The following ZSWIM6 variants were observed in gnomAD, a reference collection of about 807,000 sequenced individuals.
The protein encoded by ZSWIM6 is zinc finger SWIM-type containing 6, also known as zinc finger SWIM domain-containing protein 6.
ZSWIM6 carries 9 observed loss-of-function variants against 113.2 expected under a neutral mutation model. The ratio of observed to expected loss-of-function variants is 0.08; its 90% CI spans 0.05 to 0.14. The LOEUF (loss-of-function observed/expected upper bound fraction) is 0.14. Ranked by LOEUF, ZSWIM6 falls within the 10% of genes least tolerant of loss-of-function variation. The pLI, the probability that ZSWIM6 is intolerant of heterozygous loss-of-function variation, is 1.00. For synonymous variants in ZSWIM6, 611 were observed against 606.5 expected (o/e 1.01, Z -0.11); for missense variants, 1,162 against 1,552.2 (o/e 0.75, Z 4.22).
intron 1 of ZSWIM6, among the ~76,000 whole-genome samples, chr5:61,409,181 T>C (rs186497828): frequency 6.6e-6 from 1 of 151,236 alleles, no homozygotes; most frequent in East Asian, 1.9e-4. Flanking sequence ...TACCAAATTG[T>C]CCAACTTCAA....
At chr5:61,402,980 C>T (rs1309011794) in intron 1 of ZSWIM6, among the ~76,000 whole-genome samples, 1 of 152,168 alleles carries the variant, frequency 6.6e-6, no homozygotes, top group Non-Finnish European at 1.5e-5. Context: ...TTATGTTGTA[C>T]ACTTAGGTAA....
At chr5:61,379,042 G>A (rs1020786611) in intron 1 of ZSWIM6, among the ~76,000 whole-genome samples, 2 of 151,842 alleles carry the variant, frequency 1.3e-5, no homozygotes, top group Non-Finnish European at 2.9e-5. Flanking sequence ...TTAGCTGGGT[G>A]TCGTGGTGCG....
intron 1 of ZSWIM6, among the ~76,000 whole-genome samples, chr5:61,423,842 T>TC (rs1746405302): frequency 2.0e-5 from 3 of 152,102 alleles, no homozygotes; most frequent in East Asian, 1.9e-4. Context: ...AAAATTCACT[T>TC]CCCCCCACTC....
chr5:61,373,248 C>G lies in ZSWIM6; in HGVS notation c.676+40300C>G, dbSNP rs148024381. 3.7e-3 allele frequency among the ~76,000 whole-genome samples: 562 copies of G among 151,860 alleles called. 4 individuals carry two copies. The highest frequency in any genetic ancestry group is 0.013 in the African/African-American group (534 of 41,388). On this transcript the variant is annotated intron_variant, in intron 1 of 13. Coordinates refer to ENST00000252744, the MANE Select transcript of ZSWIM6 (RefSeq NM_020928.2). ...CAGGCATGAGCCACTGCACCTGGCT[C>G]TATTTACATTTAAGTACTGATTTAT...
At chr5:61,411,670 A>G (rs1438081497) in intron 1 of ZSWIM6, among the ~76,000 whole-genome samples, 4 of 152,218 alleles carry the variant, frequency 2.6e-5, no homozygotes, top group Non-Finnish European at 4.4e-5. Flanking sequence ...TCAAGGTGCC[A>G]TCAGATTGGG....
intron 1 of ZSWIM6, chr5:61,390,656 C>T: frequency 1.2e-6 from 1 of 817,154 alleles, no homozygotes; most frequent in South Asian, 1.3e-5. Context: ...GCTGCAAAAA[C>T]TGTTCCTGGC....
chr5:61,527,298 A>G (rs1202054344), intron 7 of ZSWIM6, among the ~76,000 whole-genome samples: 2 of 151,624 alleles, frequency 1.3e-5, no homozygotes, highest in African/African-American at 4.8e-5. Context: ...CTGTGATTTT[A>G]TTTTTCATTA....
At chr5:61,397,040 C>T (rs1475985424) in intron 1 of ZSWIM6, among the ~76,000 whole-genome samples, 1 of 152,124 alleles carries the variant, frequency 6.6e-6, no homozygotes, top group African/African-American at 2.4e-5. Context: ...ATGATTGTCC[C>T]AATATTCAGC....
At chr5:61,455,116 T>C (rs1747176498) in intron 1 of ZSWIM6, among the ~76,000 whole-genome samples, 1 of 152,158 alleles carries the variant, frequency 6.6e-6, no homozygotes, top group African/African-American at 2.4e-5. Flanking sequence ...TAGTTTATCC[T>C]CAAAGTCATT....
At chr5:61,410,295 A>G (rs905179814) in intron 1 of ZSWIM6, among the ~76,000 whole-genome samples, 2 of 151,504 alleles carry the variant, frequency 1.3e-5, no homozygotes, top group African/African-American at 4.9e-5. Context: ...GTATTGTAAT[A>G]ATGGATGTAT....
intron 1 of ZSWIM6, among the ~76,000 whole-genome samples, chr5:61,469,431 A>G (rs866119589): frequency 6.6e-6 from 1 of 152,164 alleles, no homozygotes; most frequent in Non-Finnish European, 1.5e-5. Flanking sequence ...TAAGACATGT[A>G]TATGTTTATT....
In ZSWIM6 at chr5:61,375,199, A is replaced by G. The variant is rs554778326; in HGVS notation, c.676+42251A>G. On this transcript the variant is annotated intron_variant, in intron 1 of 13. Coordinates refer to ENST00000252744, the MANE Select transcript of ZSWIM6 (RefSeq NM_020928.2). ...TCCAATCCAGTCTTCAGGGCCAACAATACAGGATTATCTGAATCGACCAAG... is the reference window on the plus strand; with the variant it reads ...TCCAATCCAGTCTTCAGGGCCAACAGTACAGGATTATCTGAATCGACCAAG... 1.0e-4 allele frequency: 167 copies of G among 1,613,462 alleles called. 3 individuals are homozygous for G. The South Asian group carries it at 1.7e-3, about 17-fold the overall frequency.
At position 61,344,358 on chromosome 5, in the gene ZSWIM6, T is replaced by C. The variant is rs543476312; in HGVS notation, c.676+11410T>C. Among the ~76,000 whole-genome samples, 13 of 152,302 alleles carry C rather than the reference T, an allele frequency of 8.5e-5. No individual in the cohort carries two copies. The South Asian group carries it at 2.7e-3, about 32-fold the overall frequency. The stretch of plus-strand genomic sequence containing the variant: ...TCTAGACAGTGGTGAAGCTGATGAG[T>C]GAAATGACCAATGGCTGCTTTGTGA... On this transcript the variant is annotated intron_variant, in intron 1 of 13. Transcript: ENST00000252744.
At chr5:61,509,291 C>T (rs1748711366) in intron 4 of ZSWIM6, among the ~76,000 whole-genome samples, 1 of 129,244 alleles carries the variant, frequency 7.7e-6, no homozygotes, top group Admixed American at 7.4e-5. Context: ...TTTTTTTCCC[C>T]AAAATAAGTT....
intron 6 of ZSWIM6, 113 bp downstream of exon 6, chr5:61,526,089 T>G: frequency 7.0e-7 from 1 of 1,425,922 alleles, no homozygotes; most frequent in South Asian, 1.4e-5. Context: ...GATGGATGAA[T>G]GCTTGGCAAT....
chr5:61,434,030 A>G (rs1746642555), intron 1 of ZSWIM6, among the ~76,000 whole-genome samples: 1 of 146,522 alleles, frequency 6.8e-6, no homozygotes, highest in South Asian at 2.1e-4. Context: ...ATAGAAAAAT[A>G]TAATAAAAAA....
intron 7 of ZSWIM6, 26 bp downstream of exon 7, chr5:61,526,422 T>C: frequency 6.4e-7 from 1 of 1,551,408 alleles, no homozygotes. Flanking sequence ...TTTGTTTCCA[T>C]TGGAATGGGA....
At chr5:61,384,927 G>A (rs1204953072) in intron 1 of ZSWIM6, among the ~76,000 whole-genome samples, 1 of 152,138 alleles carries the variant, frequency 6.6e-6, no homozygotes, top group Non-Finnish European at 1.5e-5. Context: ...GGGTGTGGCG[G>A]CAGGCACCTG....
rs531339947 is a variant in ZSWIM6 at position 61,439,669 on chromosome 5, T to A, written c.677-33012T>A. Among the ~76,000 whole-genome samples, 45 of 152,322 alleles carry A rather than the reference T, an allele frequency of 3.0e-4. No homozygotes were observed. The Middle Eastern group carries it at 0.014, about 46-fold the overall frequency. On this transcript the variant is annotated intron_variant, in intron 1 of 13. Coordinates refer to ENST00000252744, the MANE Select transcript of ZSWIM6 (RefSeq NM_020928.2). ...ATTACTGTTGCTTCCAGTTTTTGGC[T>A]ATCATTAACAATGATGCTAAGAGTG...
Sources: gnomAD v4.1 joint callset for allele counts (sites outside exome capture counted in the v4.1 genomes callset) on GRCh38, gnomAD v4.1.1 for gene constraint, MANE v1.5 for transcripts, NCBI Gene and HGNC (gene_info 2026-07-23, HGNC 2026-07-21) for gene names.